Variants in INSC observed in about 807,000 individuals in gnomAD.
The protein encoded by INSC is INSC spindle orientation adaptor protein, also known as protein inscuteable homolog.
INSC carries 67 observed loss-of-function variants against 58.6 expected under a neutral mutation model. The ratio of observed to expected loss-of-function variants is 1.14; its 90% CI spans 0.94 to 1.40. The LOEUF (loss-of-function observed/expected upper bound fraction) is 1.40. INSC is among the 40% of genes most tolerant of loss of function. The pLI is 0.00. For missense variants in INSC, 714 were observed against 692.0 expected (o/e 1.03, Z -0.36); for synonymous variants, 262 against 276.1 (o/e 0.95, Z 0.51).
chr11:15,201,476 G>C (rs551601496), intron 7 of INSC, among the ~76,000 whole-genome samples: 1 of 152,208 alleles, frequency 6.6e-6, no homozygotes, highest in Non-Finnish European at 1.5e-5. Context: ...TGGCGTGGGA[G>C]TAGGGTAGGG....
intron 2 of INSC, among the ~76,000 whole-genome samples, chr11:15,171,792 G>A (rs546465198): frequency 2.0e-5 from 3 of 152,322 alleles, no homozygotes; most frequent in Admixed American, 1.3e-4. Context: ...GGTTCTCATG[G>A]AACAACTGAA....
intron 1 of INSC, among the ~76,000 whole-genome samples, chr11:15,120,866 A>G (rs962516620): frequency 3.9e-5 from 6 of 152,132 alleles, no homozygotes; most frequent in African/African-American, 1.2e-4. Context: ...ATAAAAATGT[A>G]TAAGACTTAT....
At chr11:15,267,964 T>A in the INSC span, among the ~76,000 whole-genome samples, 1 of 152,056 alleles carries the variant, frequency 6.6e-6, no homozygotes, top group African/African-American at 2.4e-5. Flanking sequence ...TCACTGATAA[T>A]CTGCCCTATC....
At chr11:15,268,025 A>G in the INSC span, among the ~76,000 whole-genome samples, 30 of 152,136 alleles carry the variant, frequency 2.0e-4, no homozygotes, top group Non-Finnish European at 4.0e-4. Flanking sequence ...TTCTCAATTC[A>G]GGAAGACTAC....
At chr11:15,167,979 T>C (rs1215119377) in intron 2 of INSC, among the ~76,000 whole-genome samples, 2 of 152,106 alleles carry the variant, frequency 1.3e-5, no homozygotes, top group Non-Finnish European at 2.9e-5. Flanking sequence ...GTAGGCAGGG[T>C]CAGGGGCTCA....
intron 12 of INSC, among the ~76,000 whole-genome samples, chr11:15,245,216 T>G (rs1483430624): frequency 6.6e-6 from 1 of 152,078 alleles, no homozygotes; most frequent in East Asian, 1.9e-4. Flanking sequence ...CTGTCTCTGC[T>G]TCAGGATAAT....
intron 5 of INSC, chr11:15,188,189 A>G (rs2133854977): frequency 1.0e-6 from 1 of 985,410 alleles, no homozygotes; most frequent in Non-Finnish European, 1.2e-6. Flanking sequence ...CAAGGCCCCC[A>G]CTCACAAGCT....
Position 15,225,258 on chromosome 11 carries a change from A to G in INSC, c.992-392A>G, listed in dbSNP as rs552708021. 2.1e-3 allele frequency among the ~76,000 whole-genome samples: 327 copies of G among 152,192 alleles called. 2 individuals are homozygous for G. The highest frequency in any genetic ancestry group is 3.2e-3 in the Non-Finnish European group (218 of 68,012). On this transcript the variant is annotated intron_variant, in intron 8 of 12. Transcript: ENST00000379556. ...AGCACTTGTTTATTTTCTCCCTCAT[A>G]TTTATCAGACTTTGTAATTATGCAT... is the stretch of plus-strand genomic sequence containing the variant.
At chr11:15,219,329 C>G (rs146486236) in intron 7 of INSC, among the ~76,000 whole-genome samples, 1 of 152,114 alleles carries the variant, frequency 6.6e-6, no homozygotes, top group South Asian at 2.1e-4. Flanking sequence ...GCCACGTCTC[C>G]CAACTGAGGC....
chr11:15,208,651 A>T (rs184153876), intron 7 of INSC, among the ~76,000 whole-genome samples: 17 of 152,324 alleles, frequency 1.1e-4, no homozygotes, highest in Admixed American at 8.5e-4. Flanking sequence ...GACTGAAGGA[A>T]GGCTCGGGGA....
chr11:15,204,863 C>T (rs1850736412), intron 7 of INSC, among the ~76,000 whole-genome samples: 1 of 152,312 alleles, frequency 6.6e-6, no homozygotes, highest in Non-Finnish European at 1.5e-5. Flanking sequence ...TGTGCAGCTT[C>T]CCCCTCCTTT....
At chr11:15,257,553 A>AC in the INSC span, among the ~76,000 whole-genome samples, 28 of 151,366 alleles carry the variant, frequency 1.8e-4, no homozygotes, top group African/African-American at 2.9e-4. Context: ...ACTCCTAACC[A>AC]CCCCCCCGCC....
At chr11:15,214,412 C>T (rs1851137975) in intron 7 of INSC, among the ~76,000 whole-genome samples, 1 of 152,208 alleles carries the variant, frequency 6.6e-6, no homozygotes, top group South Asian at 2.1e-4. Flanking sequence ...ACTCTACCTC[C>T]TTTTCCTTAA....
chr11:15,244,361 C>T (rs1279372321), intron 12 of INSC, among the ~76,000 whole-genome samples: 1 of 152,140 alleles, frequency 6.6e-6, no homozygotes, highest in African/African-American at 2.4e-5. Context: ...AGACCCTGCT[C>T]ATTAATGCAC....
the INSC span, among the ~76,000 whole-genome samples, chr11:15,260,007 T>TG: frequency 6.6e-6 from 1 of 151,962 alleles, no homozygotes; most frequent in South Asian, 2.1e-4. Context: ...GTATGATCAG[T>TG]GGGAAAAAAA....
intron 1 of INSC, among the ~76,000 whole-genome samples, chr11:15,130,034 C>T (rs531525859): frequency 7.9e-5 from 12 of 152,288 alleles, no homozygotes; most frequent in African/African-American, 2.6e-4. Flanking sequence ...TGGAAAACCA[C>T]GTCAGCTGCA....
rs1852551374 is a variant in INSC at position 15,246,020 on chromosome 11, A to G, written c.1579A>G (p.Met527Val). Residue 527 changes from methionine (M) to valine (V), a missense_variant, in exon 13 of 13, where the codon ATG (methionine) becomes GTG (valine). Physicochemically the swap from Met to Val is conservative, Grantham distance 21. Coordinates refer to ENST00000379556, the MANE Select transcript of INSC (RefSeq NM_001042536.3). ...GGACTCCTTCTTACTCTGCAGCAAC[A>G]TGGAGGAGAGTTTTGTGTAGTGAGT... ...LVDSFLLCSN[M>V]EESFV is the part of the protein sequence containing the mutation. 3 of 1,614,196 alleles carry G rather than the reference A, an allele frequency of 1.9e-6. No homozygotes were observed. The highest frequency in any genetic ancestry group is 1.3e-5 in the African/African-American group (1 of 75,068).
Position 15,137,299 on chromosome 11 carries a change from T to C in INSC, c.-45-11831T>C, listed in dbSNP as rs565800799. On this transcript the variant is annotated intron_variant, in intron 1 of 12. Coordinates refer to ENST00000379556, the MANE Select transcript of INSC (RefSeq NM_001042536.3). ...AAAGGCCCTAGAACTTTTAGAATGG[T>C]AAATGAGCATTGGCTTCAACTTAAA... 3.3e-4 allele frequency among the ~76,000 whole-genome samples: 51 copies of C among 152,328 alleles called. 1 individual carries two copies. The South Asian group carries it at 0.01, about 31-fold the overall frequency.
At chr11:15,136,786 T>C (rs1848254888) in intron 1 of INSC, among the ~76,000 whole-genome samples, 2 of 152,190 alleles carry the variant, frequency 1.3e-5, no homozygotes, top group Admixed American at 1.3e-4. Flanking sequence ...ACTCTCAAAG[T>C]CATCCATGAG....
Sources: gnomAD v4.1 joint callset for allele counts (sites outside exome capture counted in the v4.1 genomes callset) on GRCh38, gnomAD v4.1.1 for gene constraint, MANE v1.5 for transcripts, NCBI Gene and HGNC (gene_info 2026-07-23, HGNC 2026-07-21) for gene names.